Variants in ADAMTS17 observed in about 807,000 individuals in gnomAD.
ADAMTS17 encodes A disintegrin and metalloproteinase with thrombospondin motifs 17.
Under a neutral mutation model 141.5 loss-of-function variants are expected in ADAMTS17, and 113 were observed. That is an observed-to-expected ratio of 0.80 (90% CI 0.69 to 0.93). ADAMTS17 has a LOEUF of 0.93. Among genes scored for constraint, ADAMTS17 ranks in the 40% least tolerant of loss-of-function variants. ADAMTS17 has a pLI of 0.00. For missense variants in ADAMTS17, 1,659 were observed against 1,517.9 expected (o/e 1.09, Z -1.54); for synonymous variants, 768 against 630.6 (o/e 1.22, Z -3.27).
At chr15:100,261,416 C>A in intron 6 of ADAMTS17, 63 bp downstream of exon 6, 1 of 1,609,518 alleles carries the variant, frequency 6.2e-7, no homozygotes, top group South Asian at 1.1e-5. Flanking sequence ...ATGCCTATTT[C>A]CTCTCTGAAG....
intron 12 of ADAMTS17, among the ~76,000 whole-genome samples, chr15:100,120,513 G>C (rs1230829640): frequency 6.6e-6 from 1 of 152,210 alleles, no homozygotes; most frequent in Non-Finnish European, 1.5e-5. Flanking sequence ...ACCAGGTGAA[G>C]TGGCTTCCAG....
intron 3 of ADAMTS17, among the ~76,000 whole-genome samples, chr15:100,312,839 T>C (rs186825606): frequency 1.3e-3 from 187 of 140,038 alleles, no homozygotes; most frequent in African/African-American, 4.5e-3. Flanking sequence ...AAAGGCCCTG[T>C]GACCTAGGGA....
chr15:100,036,317 C>T (rs914329230), intron 18 of ADAMTS17, among the ~76,000 whole-genome samples: 3 of 152,184 alleles, frequency 2.0e-5, no homozygotes, highest in Non-Finnish European at 4.4e-5. Flanking sequence ...TGGGAGAAGC[C>T]GGCACTGCGT....
chr15:100,216,497 G>A (rs910797387), intron 7 of ADAMTS17, among the ~76,000 whole-genome samples: 4 of 152,160 alleles, frequency 2.6e-5, no homozygotes, highest in African/African-American at 2.4e-5. Flanking sequence ...CTTTATCTGC[G>A]CTGGGGGCCA....
chr15:100,126,769 T>C (rs1383655394), intron 12 of ADAMTS17, among the ~76,000 whole-genome samples: 2 of 152,228 alleles, frequency 1.3e-5, no homozygotes, highest in African/African-American at 4.8e-5. Flanking sequence ...CAGCACATTT[T>C]ATGGAGTGGC....
chr15:100,265,401 C>T (rs550395940), intron 4 of ADAMTS17, among the ~76,000 whole-genome samples: 120 of 152,296 alleles, frequency 7.9e-4, no homozygotes, highest in African/African-American at 2.6e-3. Flanking sequence ...GAGGGAACAG[C>T]GCAGCCAAGC....
At chr15:100,335,859 T>G (rs2046193133) in intron 2 of ADAMTS17, among the ~76,000 whole-genome samples, 1 of 152,098 alleles carries the variant, frequency 6.6e-6, no homozygotes, top group African/African-American at 2.4e-5. Context: ...GGCCAAACAG[T>G]TTCATTTCCT....
chr15:100,292,810 C>T (rs537237182), intron 3 of ADAMTS17, among the ~76,000 whole-genome samples: 4 of 152,252 alleles, frequency 2.6e-5, no homozygotes, highest in African/African-American at 9.6e-5. Flanking sequence ...TTTCCTAAAA[C>T]CAGAGGGGGA....
chr15:100,205,810 CA>C (rs995671125), intron 7 of ADAMTS17, among the ~76,000 whole-genome samples: 2 of 152,226 alleles, frequency 1.3e-5, no homozygotes, highest in African/African-American at 4.8e-5. Context: ...AGCAAAGAGA[CA>C]AAGGCGGTAG....
At position 99,971,636 on chromosome 15, in the gene ADAMTS17, T is replaced by A. The variant is rs2060206024; in HGVS notation, c.*2766A>T. The A allele has an allele frequency of 1.3e-5, 2 of 152,192 alleles. No homozygotes were observed. Among genetic ancestry groups the A allele is most frequent in the African/African-American group, 2.4e-5 (1 of 41,430 alleles). 9.4% of individuals were successfully genotyped at this position (152,192 alleles called of 1,614,324 possible). ...AGTTAACGAATGGAAAATAGATACATTTGACTCTGAAACGAAAAAAGGACA... is the reference window on the plus strand; with the variant it reads ...AGTTAACGAATGGAAAATAGATACAATTGACTCTGAAACGAAAAAAGGACA... On this transcript the variant is annotated 3_prime_UTR_variant, in exon 22 of 22. Coordinates refer to ENST00000268070, the MANE Select transcript of ADAMTS17 (RefSeq NM_139057.4).
chr15:100,180,402 T>C (rs1425711818), intron 8 of ADAMTS17, among the ~76,000 whole-genome samples: 1 of 152,228 alleles, frequency 6.6e-6, no homozygotes, highest in African/African-American at 2.4e-5. Flanking sequence ...CCAATACCCA[T>C]GCCATTTTGG....
intron 7 of ADAMTS17, among the ~76,000 whole-genome samples, chr15:100,201,265 G>A (rs2035345): frequency 6.3e-4 from 96 of 152,040 alleles, no homozygotes; most frequent in Non-Finnish European, 1.1e-3. Context: ...CCCCCACGCC[G>A]TTCTTGGGAC....
chr15:100,216,959 C>T (rs753317902), intron 7 of ADAMTS17, among the ~76,000 whole-genome samples: 2 of 152,200 alleles, frequency 1.3e-5, no homozygotes, highest in Non-Finnish European at 2.9e-5. Context: ...CTAGACTTCC[C>T]ATGTATTTAA....
intron 8 of ADAMTS17, among the ~76,000 whole-genome samples, chr15:100,177,479 G>C (rs2141505253): frequency 6.6e-6 from 1 of 152,174 alleles, no homozygotes; most frequent in South Asian, 2.1e-4. Context: ...TTGATTTTCA[G>C]TTTGATTCCA....
chr15:100,259,247 C>A (rs1166262173), intron 6 of ADAMTS17, among the ~76,000 whole-genome samples: 1 of 152,228 alleles, frequency 6.6e-6, no homozygotes, highest in Non-Finnish European at 1.5e-5. Flanking sequence ...AAATCAGCTC[C>A]ATTTACTTAT....
At position 99,997,100 on chromosome 15, in the gene ADAMTS17, G is replaced by A. The variant is rs1442711918; in HGVS notation, c.2796+285C>T. ...ACACCCAAAGGAGAATTAAAAAGTC[G>A]GTCAGTATCTGTCTATCCTATCTTG... On this transcript the variant is annotated intron_variant, in intron 19 of 21. Transcript: ENST00000268070. This position sits in a 1 kb window ranked among gnomAD's most constrained non-coding sequence, Gnocchi z 4.7. Among the ~76,000 whole-genome samples, 6 of 152,150 alleles carry A rather than the reference G, an allele frequency of 3.9e-5. No homozygotes were observed. The highest frequency in any genetic ancestry group is 5.9e-5 in the Non-Finnish European group (4 of 68,032).
intron 3 of ADAMTS17, among the ~76,000 whole-genome samples, chr15:100,311,918 C>T (rs77758687): frequency 5.9e-5 from 9 of 152,154 alleles, no homozygotes; most frequent in South Asian, 2.1e-4. Flanking sequence ...TTGCAGTAGA[C>T]GGATCAAGAA....
intron 18 of ADAMTS17, among the ~76,000 whole-genome samples, chr15:100,031,726 T>C (rs888768689): frequency 6.6e-6 from 1 of 152,176 alleles, no homozygotes; most frequent in Non-Finnish European, 1.5e-5. Context: ...TCCACCAGTA[T>C]CAAACAATCC....
At chr15:100,111,404 G>A (rs2036773315) in intron 13 of ADAMTS17, among the ~76,000 whole-genome samples, 1 of 152,244 alleles carries the variant, frequency 6.6e-6, no homozygotes. Context: ...TCAGGAGGTG[G>A]CTGGTGGAAG....
Sources: gnomAD v4.1 joint callset for allele counts (sites outside exome capture counted in the v4.1 genomes callset) on GRCh38, gnomAD v4.1.1 for gene constraint, Gnocchi (gnomAD v3.1) non-coding constraint, MANE v1.5 for transcripts, NCBI Gene and HGNC (gene_info 2026-07-23, HGNC 2026-07-21) for gene names.